ERC2: variants seen among roughly 807,000 people sequenced by gnomAD.
ERC2 encodes ELKS/RAB6-interacting/CAST family member 2, also known as ERC protein 2.
A neutral mutation model predicts 114.8 loss-of-function variants in ERC2; 42 were observed. The ratio of observed to expected loss-of-function variants is 0.37; its 90% CI spans 0.29 to 0.47. The LOEUF is 0.47. Ranked by LOEUF, ERC2 falls within the 20% of genes least tolerant of loss-of-function variation. ERC2 has a pLI of 0.99. For missense variants in ERC2, 939 were observed against 1,150.7 expected (o/e 0.82, Z 2.66); for synonymous variants, 454 against 425.5 (o/e 1.07, Z -0.82).
intron 2 of ERC2, among the ~76,000 whole-genome samples, chr3:56,365,782 G>T (rs538531415): frequency 1.8e-4 from 27 of 152,252 alleles, no homozygotes; most frequent in Non-Finnish European, 3.2e-4. Flanking sequence ...CATGCACTTG[G>T]GACAAAGCCT....
chr3:55,827,099 G>C (rs1347335678), intron 14 of ERC2, among the ~76,000 whole-genome samples: 1 of 152,172 alleles, frequency 6.6e-6, no homozygotes, highest in African/African-American at 2.4e-5. Context: ...GGATTTATCT[G>C]TAACAACTCC....
chr3:56,340,542 A>ATGTGTGTGTGTGTGTGTGTGTG (rs10690369), intron 2 of ERC2, among the ~76,000 whole-genome samples: 49 of 141,528 alleles, frequency 3.5e-4, no homozygotes, highest in African/African-American at 9.3e-4. Flanking sequence ...GAGAGAGTGA[A>ATGTGTGTGTGTGTGTGTGTGTG]TGTGTGTGTG....
At chr3:55,790,914 C>G (rs1420541415) in intron 14 of ERC2, among the ~76,000 whole-genome samples, 2 of 152,200 alleles carry the variant, frequency 1.3e-5, no homozygotes, top group Non-Finnish European at 2.9e-5. Context: ...GCTCTGGAGT[C>G]AAAAGACCAA....
chr3:55,586,021 C>T (rs72871604), intron 17 of ERC2, among the ~76,000 whole-genome samples: 1,936 of 152,278 alleles, frequency 0.013, 42 homozygotes, highest in African/African-American at 0.045. Context: ...GAAAGGGCAG[C>T]GTTTGAGAGC....
chr3:55,951,444 T>C (rs1217178923), intron 12 of ERC2, among the ~76,000 whole-genome samples: 2 of 152,112 alleles, frequency 1.3e-5, no homozygotes, highest in Non-Finnish European at 2.9e-5. Flanking sequence ...TGCAAAATCA[T>C]AAAGTGATCA....
At chr3:55,846,021 G>A (rs1006821437) in intron 14 of ERC2, among the ~76,000 whole-genome samples, 2 of 152,170 alleles carry the variant, frequency 1.3e-5, no homozygotes, top group Admixed American at 1.3e-4. Flanking sequence ...TAAGTTGGGC[G>A]GTACATGTGC....
chr3:55,634,423 C>G (rs2059877511), intron 17 of ERC2, among the ~76,000 whole-genome samples: 1 of 152,044 alleles, frequency 6.6e-6, no homozygotes, highest in Non-Finnish European at 1.5e-5. Flanking sequence ...ATTGTCAGTC[C>G]CGGCTGTAAC....
intron 17 of ERC2, among the ~76,000 whole-genome samples, chr3:55,641,155 CA>C (rs1213390248): frequency 6.6e-6 from 1 of 152,106 alleles, no homozygotes; most frequent in Non-Finnish European, 1.5e-5. Flanking sequence ...TGGGGGAAAA[CA>C]AAGCCAAAAG....
In ERC2 at chr3:55,957,894, C is replaced by T. The variant is rs564894547; in HGVS notation, c.2268-7334G>A. Among the ~76,000 whole-genome samples the T allele has an allele frequency of 7.2e-5, 11 of 152,304 alleles. No homozygotes were observed. The East Asian group carries it at 9.7e-4, about 13-fold the overall frequency. On this transcript the variant is annotated intron_variant, in intron 12 of 17. Coordinates refer to ENST00000288221, the MANE Select transcript of ERC2 (RefSeq NM_015576.3). ...AGAGAGGGTGTCACAGCCCTGGCTC[C>T]GGGAGACCCTAGGTCTGGGCTTCCC...
intron 3 of ERC2, among the ~76,000 whole-genome samples, chr3:56,276,474 A>AAAAAAAAAAC (rs1446116012): frequency 1.4e-5 from 2 of 147,002 alleles, no homozygotes; most frequent in Non-Finnish European, 3.0e-5. Context: ...AAAAAAAAAA[A>AAAAAAAAAAC]AAACAAACTC....
chr3:56,231,080 T>A (rs2316861), intron 3 of ERC2, among the ~76,000 whole-genome samples: 81,835 of 152,046 alleles, frequency 0.54, 22,656 homozygotes, highest in East Asian at 0.84. Flanking sequence ...CTTAGACCTA[T>A]TTTAGTTGAA....
At chr3:56,344,001 T>C (rs767064809) in intron 2 of ERC2, among the ~76,000 whole-genome samples, 1 of 152,150 alleles carries the variant, frequency 6.6e-6, no homozygotes, top group Non-Finnish European at 1.5e-5. Context: ...CCAGAGAATA[T>C]ACTGCACGAC....
At chr3:56,104,078 T>C (rs2078511588) in intron 6 of ERC2, among the ~76,000 whole-genome samples, 1 of 152,230 alleles carries the variant, frequency 6.6e-6, no homozygotes, top group Admixed American at 6.5e-5. Flanking sequence ...TCTTCTTTAA[T>C]GAGTCAAAGT....
In ERC2 at chr3:55,933,945, C is replaced by G. The variant is rs568577821; in HGVS notation, c.2403+16480G>C. The stretch of plus-strand genomic sequence containing the variant: ...GTGAAGTCAGTGGCCACTTTGGTGC[C>G]TATGTGTCAAATTCTTTGGGTTTTT... On this transcript the variant is annotated intron_variant, in intron 13 of 17. Coordinates refer to ENST00000288221, the MANE Select transcript of ERC2 (RefSeq NM_015576.3). 3.9e-5 allele frequency among the ~76,000 whole-genome samples: 6 copies of G among 152,202 alleles called. No homozygotes were observed. In the East Asian group the frequency reaches 5.8e-4, roughly 15 times the overall value.
intron 17 of ERC2, among the ~76,000 whole-genome samples, chr3:55,679,996 G>A (rs2148766206): frequency 6.6e-6 from 1 of 152,276 alleles, no homozygotes; most frequent in Middle Eastern, 3.4e-3. Flanking sequence ...GGCATGGCAG[G>A]GAGTTCCACT....
intron 3 of ERC2, among the ~76,000 whole-genome samples, chr3:56,183,501 T>G (rs2083409273): frequency 6.6e-6 from 1 of 152,188 alleles, no homozygotes; most frequent in Non-Finnish European, 1.5e-5. Flanking sequence ...TTATGACTGT[T>G]TTTGCTCTTT....
intron 15 of ERC2, among the ~76,000 whole-genome samples, chr3:55,703,668 T>C (rs953328210): frequency 1.3e-5 from 2 of 152,198 alleles, no homozygotes; most frequent in African/African-American, 4.8e-5. Flanking sequence ...TAAAAGTGTG[T>C]CAAAGTATAT....
chr3:55,792,625 A>C (rs575672830), intron 14 of ERC2, among the ~76,000 whole-genome samples: 71 of 152,200 alleles, frequency 4.7e-4, no homozygotes, highest in South Asian at 1.0e-3. Context: ...ATATGCAATG[A>C]CCAACAATAG....
intron 14 of ERC2, among the ~76,000 whole-genome samples, chr3:55,829,997 C>CA (rs1361631336): frequency 6.6e-6 from 1 of 151,826 alleles, no homozygotes; most frequent in Non-Finnish European, 1.5e-5. Flanking sequence ...AACAAACAAA[C>CA]AAAAAAACCC....
Sources: gnomAD v4.1 joint callset for allele counts (sites outside exome capture counted in the v4.1 genomes callset) on GRCh38, gnomAD v4.1.1 for gene constraint, MANE v1.5 for transcripts, NCBI Gene and HGNC (gene_info 2026-07-23, HGNC 2026-07-21) for gene names.